ZFR2: variants seen among roughly 807,000 people sequenced by gnomAD.
ZFR2 encodes zinc finger RNA binding protein 2.
In ZFR2, 104 loss-of-function variants were observed where a neutral mutation model predicts 105.7. That is an observed-to-expected ratio of 0.98 (90% CI 0.84 to 1.16). The LOEUF (loss-of-function observed/expected upper bound fraction) is 1.16. ZFR2 is among the 50% of genes most tolerant of loss of function. The pLI is 0.00. For synonymous variants in ZFR2, 634 were observed against 597.7 expected, an observed-to-expected ratio of 1.06 and a Z score of -0.89; for missense variants, 1,425 against 1,355.5, an observed-to-expected ratio of 1.05 and a Z score of -0.80.
chr19:3,834,663 C>T lies in ZFR2; in HGVS notation c.264+110G>A. 1 of 1,188,446 alleles carries T rather than the reference C, an allele frequency of 8.4e-7. No individual in the cohort carries two copies. Among genetic ancestry groups the T allele is most frequent in the Non-Finnish European group, 1.2e-6 (1 of 830,988 alleles). The allele number at this position is 1,188,446 out of a possible 1,614,324, so 73.6% of individuals were successfully genotyped here. On this transcript the variant is annotated intron_variant, in intron 2 of 18. Coordinates refer to ENST00000262961, the MANE Select transcript of ZFR2 (RefSeq NM_015174.2). The surrounding 1 kb of genome is among the most constrained non-coding windows in gnomAD (Gnocchi z 5.3). ...AGCAGAAGGGTCCCGAAGGAAGGAT[C>T]ACGGTTAAGAGGCCTGGGAGAAGGA... is the stretch of plus-strand genomic sequence containing the variant.
In ZFR2 at chr19:3,808,933, C is replaced by G. The variant is rs940642786; in HGVS notation, c.2484G>C (p.Leu828=). ...CTCGCCTGACTGCATCCCCGGGGCCCAGGGGCCCAGCCGCACTGCTCACAG... is the reference window on the plus strand; with the variant it reads ...CTCGCCTGACTGCATCCCCGGGGCCGAGGGGCCCAGCCGCACTGCTCACAG... The part of the protein sequence containing the change: ...EKAVSSAAGP[L]GPGDAVRRVL... Residue 828 remains leucine, a synonymous_variant, in exon 17 of 19, where the codon CTG becomes CTC. Transcript: ENST00000262961. 6.4e-6 allele frequency: 10 copies of G among 1,572,334 alleles called. No individual in the cohort carries two copies. In the African/African-American group the frequency reaches 1.1e-4, roughly 17 times the overall value.
rs1257076901 is a variant in ZFR2, at chr19:3,808,845, C to A, written c.2545+27G>T. 2.0e-6 allele frequency: 3 copies of A among 1,519,268 alleles called. No individual in the cohort carries two copies. The South Asian group carries it at 3.6e-5, about 18-fold the overall frequency. The allele number at this position is 1,519,268 out of a possible 1,614,324, so 94.1% of individuals were successfully genotyped here. A position where few individuals can be genotyped will look rare whatever the true frequency, so the allele number is the denominator to read the frequency against. ...GGTCTCTGCGATTTGCCGCCCACCT[C>A]CTGGGCCCTCCGGCCCAGCGACTGA... On this transcript the variant is annotated intron_variant, in intron 17 of 18. Coordinates refer to ENST00000262961, the MANE Select transcript of ZFR2 (RefSeq NM_015174.2).
intron 1 of ZFR2, among the ~76,000 whole-genome samples, chr19:3,849,400 G>A (rs757809860): frequency 1.3e-5 from 2 of 152,242 alleles, no homozygotes; most frequent in Non-Finnish European, 2.9e-5. Context: ...CCATGCAGCA[G>A]AGGGCAGAGC....
At chr19:3,867,349 G>C (rs558092129) in intron 1 of ZFR2, among the ~76,000 whole-genome samples, 1 of 151,922 alleles carries the variant, frequency 6.6e-6, no homozygotes, top group Non-Finnish European at 1.5e-5. Flanking sequence ...CCTGGCTCCC[G>C]GACTGGGACT....
intron 15 of ZFR2, 116 bp from the exon 16 acceptor site, chr19:3,810,961 T>C: frequency 8.4e-7 from 1 of 1,193,700 alleles, no homozygotes; most frequent in Non-Finnish European, 1.2e-6. Flanking sequence ...CTGGCGGGCC[T>C]CGAAGGTGGC....
chr19:3,825,507 G>A (rs2037939733), intron 6 of ZFR2, 100 bp from the exon 7 acceptor site: 1 of 1,447,430 alleles, frequency 6.9e-7, no homozygotes, highest in Non-Finnish European at 9.2e-7. Context: ...CAGCGCGAGT[G>A]TGGGCTGGCC....
chr19:3,822,818 C>T (rs1006198925), intron 8 of ZFR2, among the ~76,000 whole-genome samples: 3 of 152,190 alleles, frequency 2.0e-5, no homozygotes, highest in Non-Finnish European at 4.4e-5. Context: ...GGCCTGGGAG[C>T]TGGCAGACCT....
chr19:3,808,106 T>C (rs565967003), intron 17 of ZFR2, among the ~76,000 whole-genome samples: 1 of 145,872 alleles, frequency 6.9e-6, no homozygotes, highest in East Asian at 2.3e-4. Context: ...CCTGTATGTG[T>C]GCTCATATCC....
At chr19:3,819,592 G>A (rs1233641135) in intron 11 of ZFR2, among the ~76,000 whole-genome samples, 3 of 152,192 alleles carry the variant, frequency 2.0e-5, no homozygotes, top group Non-Finnish European at 2.9e-5. Flanking sequence ...GGTGGCTCAC[G>A]CCTGTAATCC....
At chr19:3,820,374 G>T in intron 10 of ZFR2, 84 bp from the exon 11 acceptor site, 1 of 1,314,810 alleles carries the variant, frequency 7.6e-7, no homozygotes, top group Non-Finnish European at 1.0e-6. Flanking sequence ...GGGGCCTTAT[G>T]CTCCCAGCAA....
intron 1 of ZFR2, among the ~76,000 whole-genome samples, chr19:3,836,961 G>T (rs1310920098): frequency 1.3e-5 from 2 of 152,198 alleles, no homozygotes; most frequent in Non-Finnish European, 2.9e-5. Flanking sequence ...AGGGGAAGGA[G>T]CAAGGTATGA....
In ZFR2 at chr19:3,825,418, C is replaced by G; in HGVS notation, c.1036-11G>C. ...GTGCAGCTTGAAGACCTGCAACAGA[C>G]AGAGCCGGGCTCCCGCGTGAGGGCC... On this transcript the variant is annotated splice_polypyrimidine_tract_variant and intron_variant, in intron 6 of 18. Coordinates refer to ENST00000262961, the MANE Select transcript of ZFR2 (RefSeq NM_015174.2). The G allele has an allele frequency of 6.4e-7, 1 of 1,561,068 alleles. No homozygotes were observed. Among genetic ancestry groups the G allele is most frequent in the Non-Finnish European group, 8.6e-7 (1 of 1,156,640 alleles).
At chr19:3,864,528 C>T (rs996848679) in intron 1 of ZFR2, among the ~76,000 whole-genome samples, 1 of 152,224 alleles carries the variant, frequency 6.6e-6, no homozygotes, top group Non-Finnish European at 1.5e-5. Flanking sequence ...GGAACTGTGA[C>T]AAACTGCTAA....
intron 8 of ZFR2, among the ~76,000 whole-genome samples, chr19:3,822,469 T>C (rs1276854550): frequency 6.7e-6 from 1 of 149,140 alleles, no homozygotes; most frequent in Non-Finnish European, 1.5e-5. Context: ...CACGCCACCA[T>C]GGGAGGCTGG....
intron 1 of ZFR2, among the ~76,000 whole-genome samples, chr19:3,862,838 C>T (rs1052193630): frequency 6.6e-6 from 1 of 152,212 alleles, no homozygotes; most frequent in Admixed American, 6.5e-5. Context: ...TGAAAAAGAC[C>T]GCAGCAACAT....
At chr19:3,822,312 T>C (rs1157572207) in intron 8 of ZFR2, 112 bp from the exon 9 acceptor site, 6 of 1,478,310 alleles carry the variant, frequency 4.1e-6, no homozygotes, top group South Asian at 2.5e-5. Flanking sequence ...ATTTTATTTA[T>C]GTATGTCTTT....
chr19:3,817,779 A>AGGAG (rs1356269325), intron 12 of ZFR2, among the ~76,000 whole-genome samples: 2 of 150,018 alleles, frequency 1.3e-5, no homozygotes, highest in Admixed American at 6.7e-5. Context: ...AAAAAAAAAA[A>AGGAG]AGGAGAGGGC....
chr19:3,867,674 T>C (rs1294463447), intron 1 of ZFR2, among the ~76,000 whole-genome samples: 2 of 152,002 alleles, frequency 1.3e-5, no homozygotes, highest in African/African-American at 2.4e-5. Context: ...CCCAGTTCCC[T>C]GGAAACCCAG....
In ZFR2 at chr19:3,810,643, G is replaced by A. The variant is rs1458597484; in HGVS notation, c.2433+107C>T. Reference sequence around the variant, plus strand: ...GCCTCTCCTGAGTACTAGGTCTCCCGCCGGCTCCTTCGAGGGAAAAGGTCT... The same window carrying A: ...GCCTCTCCTGAGTACTAGGTCTCCCACCGGCTCCTTCGAGGGAAAAGGTCT... On this transcript the variant is annotated intron_variant, in intron 16 of 18. Coordinates refer to ENST00000262961, the MANE Select transcript of ZFR2 (RefSeq NM_015174.2). The A allele has an allele frequency of 8.2e-5, 91 of 1,114,282 alleles. No homozygotes were observed. The South Asian group carries it at 8.8e-4, about 11-fold the overall frequency. The allele number at this position is 1,114,282 out of a possible 1,614,324, so 69.0% of individuals were successfully genotyped here.
Sources: gnomAD v4.1 joint callset for allele counts (sites outside exome capture counted in the v4.1 genomes callset) on GRCh38, gnomAD v4.1.1 for gene constraint, Gnocchi (gnomAD v3.1) non-coding constraint, MANE v1.5 for transcripts, NCBI Gene and HGNC (gene_info 2026-07-23, HGNC 2026-07-21) for gene names.